EIF2B3: variants seen among roughly 807,000 people sequenced by gnomAD.
EIF2B3 encodes the protein eukaryotic translation initiation factor 2B subunit gamma.
A neutral mutation model predicts 54.1 loss-of-function variants in EIF2B3; 20 were observed. That is an observed-to-expected ratio of 0.37 (90% CI 0.26 to 0.54). The LOEUF (loss-of-function observed/expected upper bound fraction) is 0.54. Ranked by LOEUF, EIF2B3 falls within the 20% of genes least tolerant of loss-of-function variation. The pLI is 0.86. For missense variants in EIF2B3, 448 were observed against 547.8 expected, an observed-to-expected ratio of 0.82 and a Z score of 1.82; for synonymous variants, 153 against 188.1, an observed-to-expected ratio of 0.81 and a Z score of 1.52.
chr1:44,925,853 G>A lies in EIF2B3; in HGVS notation c.566+775C>T, dbSNP rs143553896. ...GCAGGAGAATCGCTTGAACCTGGGAGGCGGAGGTTACAGTGAGCCAAGATT... is the reference window on the plus strand; with the variant it reads ...GCAGGAGAATCGCTTGAACCTGGGAAGCGGAGGTTACAGTGAGCCAAGATT... On this transcript the variant is annotated intron_variant, in intron 5 of 11. Transcript: ENST00000360403. 6.6e-3 allele frequency among the ~76,000 whole-genome samples: 1,003 copies of A among 151,666 alleles called. 7 individuals carry two copies. Among genetic ancestry groups the A allele is most frequent in the African/African-American group, 0.021 (856 of 41,292 alleles).
chr1:44,973,169 A>G (rs982353036), intron 3 of EIF2B3, among the ~76,000 whole-genome samples: 2 of 152,262 alleles, frequency 1.3e-5, no homozygotes, highest in Admixed American at 6.5e-5. Flanking sequence ...ACACAGAAAT[A>G]GCATATAATC....
In EIF2B3 at chr1:44,958,725, G is replaced by A. The variant is rs551739565; in HGVS notation, c.295-17060C>T. On this transcript the variant is annotated intron_variant, in intron 3 of 11. Coordinates refer to ENST00000360403, the MANE Select transcript of EIF2B3 (RefSeq NM_020365.5). ...TGCTGCCTGAAACAGTACCCTTTCT[G>A]GAAAGCTAGATATTGTCCGCACAGA... 22 of 1,588,970 alleles carry A rather than the reference G, an allele frequency of 1.4e-5. 1 individual carries two copies. The Admixed American group carries it at 3.2e-4, about 23-fold the overall frequency.
At chr1:44,879,158 TACAATACAG>T in intron 8 of EIF2B3, among the ~76,000 whole-genome samples, 1 of 152,308 alleles carries the variant, frequency 6.6e-6, no homozygotes, top group African/African-American at 2.4e-5. Context: ...GGGCCTACTA[TACAATACAG>T]AGTTCCTTTA....
At chr1:44,921,602 A>G (rs530185786) in intron 5 of EIF2B3, among the ~76,000 whole-genome samples, 1 of 152,190 alleles carries the variant, frequency 6.6e-6, no homozygotes, top group African/African-American at 2.4e-5. Context: ...ATTCTTTTGC[A>G]TATGGATATC....
intron 1 of EIF2B3, among the ~76,000 whole-genome samples, chr1:44,983,637 C>G (rs1156611592): frequency 6.6e-6 from 1 of 152,034 alleles, no homozygotes; most frequent in African/African-American, 2.4e-5. Context: ...TTTGGGAGGC[C>G]CAGGCGGGCG....
intron 3 of EIF2B3, among the ~76,000 whole-genome samples, chr1:44,954,763 G>A (rs531127296): frequency 2.3e-4 from 35 of 152,220 alleles, no homozygotes; most frequent in African/African-American, 8.2e-4. Flanking sequence ...ATACTATGTT[G>A]AATAGGAGTG....
intron 6 of EIF2B3, among the ~76,000 whole-genome samples, chr1:44,895,077 C>T (rs1019361775): frequency 1.3e-5 from 2 of 152,128 alleles, no homozygotes; most frequent in African/African-American, 4.8e-5. Flanking sequence ...AATATATGCT[C>T]TTTGATTGTA....
chr1:44,915,684 A>C (rs1643609259), intron 5 of EIF2B3, among the ~76,000 whole-genome samples: 1 of 152,196 alleles, frequency 6.6e-6, no homozygotes, highest in African/African-American at 2.4e-5. Context: ...TTACCCAGGA[A>C]TAACAATCAT....
Position 44,978,343 on chromosome 1 carries a change from G to A in EIF2B3, c.266C>T (p.Ser89Phe). The A allele has an allele frequency of 6.2e-7, 1 of 1,614,042 alleles. No homozygotes were observed. Among genetic ancestry groups the A allele is most frequent in the Non-Finnish European group, 8.5e-7 (1 of 1,180,014 alleles). ...PDDADMGTADSLRYIYPKLKT... is the reference protein window; with the variant it reads ...PDDADMGTADFLRYIYPKLKT... ...AAGTTTTGGATATATGTAGCGCAAA[G>A]AATCTGCAGTTCCCATGTCAGCGTC... is the stretch of plus-strand genomic sequence containing the variant. Residue 89 changes from serine (S) to phenylalanine (F), a missense_variant, in exon 3 of 12, where the codon TCT (serine) becomes TTT (phenylalanine). Physicochemically the swap from Ser to Phe is radical, Grantham distance 155. Transcript: ENST00000360403.
At chr1:44,956,579 G>A (rs1385714799) in intron 3 of EIF2B3, among the ~76,000 whole-genome samples, 1 of 151,834 alleles carries the variant, frequency 6.6e-6, no homozygotes, top group Admixed American at 6.6e-5. Context: ...AAATAAAAAT[G>A]GATATAGAAA....
At chr1:44,967,447 A>G (rs1644354864) in intron 3 of EIF2B3, among the ~76,000 whole-genome samples, 1 of 142,522 alleles carries the variant, frequency 7.0e-6, no homozygotes, top group Non-Finnish European at 1.6e-5. Context: ...ACTCTGTCTC[A>G]AAAAAAAAAA....
intron 4 of EIF2B3, among the ~76,000 whole-genome samples, chr1:44,927,309 G>A (rs1212180203): frequency 6.6e-6 from 1 of 152,116 alleles, no homozygotes; most frequent in Non-Finnish European, 1.5e-5. Context: ...GGTTTCTGGG[G>A]AAGCCTCAGG....
chr1:44,924,589 T>C (rs1462557266), intron 5 of EIF2B3, among the ~76,000 whole-genome samples: 1 of 151,952 alleles, frequency 6.6e-6, no homozygotes, highest in African/African-American at 2.4e-5. Context: ...GGTTTCACTG[T>C]GTTAGCCAGG....
At chr1:44,900,102 T>C (rs1643250289) in intron 5 of EIF2B3, among the ~76,000 whole-genome samples, 1 of 152,172 alleles carries the variant, frequency 6.6e-6, no homozygotes, top group African/African-American at 2.4e-5. Context: ...AGATATTACA[T>C]GGTCTCACTT....
intron 5 of EIF2B3, 95 bp from the exon 6 acceptor site, chr1:44,897,539 T>C: frequency 1.0e-6 from 1 of 1,001,004 alleles, no homozygotes; most frequent in South Asian, 1.4e-5. Context: ...CACTGGTAAG[T>C]TTATGAGGGT....
chr1:44,925,500 C>G (rs374542493), intron 5 of EIF2B3, among the ~76,000 whole-genome samples: 5 of 151,744 alleles, frequency 3.3e-5, no homozygotes, highest in African/African-American at 1.2e-4. Context: ...CAAGGCCTTG[C>G]GGGGAGAAAA....
At chr1:44,961,678 T>C (rs1644285972) in intron 3 of EIF2B3, among the ~76,000 whole-genome samples, 1 of 152,160 alleles carries the variant, frequency 6.6e-6, no homozygotes, top group Non-Finnish European at 1.5e-5. Flanking sequence ...ATTTATAGCA[T>C]CTCTGAATAG....
intron 1 of EIF2B3, among the ~76,000 whole-genome samples, chr1:44,984,855 G>A (rs1644555026): frequency 1.6e-5 from 2 of 127,166 alleles, no homozygotes; most frequent in South Asian, 2.6e-4. Flanking sequence ...GCCGGACTGC[G>A]GACTGCAGTG....
rs189050752 is a variant in EIF2B3, at chr1:44,864,416, G to A, written c.1203-6609C>T. 3.7e-4 allele frequency among the ~76,000 whole-genome samples: 57 copies of A among 152,152 alleles called. No individual in the cohort carries two copies. In the Middle Eastern group the frequency reaches 0.02, roughly 54 times the overall value. ...CCGTCTACTAAAAATACAAAAATTA[G>A]CCTGGCGTGATGGTGTGTGCCTGTA... On this transcript the variant is annotated intron_variant, in intron 10 of 11. Transcript: ENST00000360403.
Sources: gnomAD v4.1 joint callset for allele counts (sites outside exome capture counted in the v4.1 genomes callset) on GRCh38, gnomAD v4.1.1 for gene constraint, MANE v1.5 for transcripts, NCBI Gene and HGNC (gene_info 2026-07-23, HGNC 2026-07-21) for gene names.